CAPRIN1: variants seen among roughly 807,000 people sequenced by gnomAD.
CAPRIN1 encodes caprin-1.
A neutral mutation model predicts 100.9 loss-of-function variants in CAPRIN1; 29 were observed. The observed-to-expected ratio is 0.29, with a 90% CI of 0.21 to 0.39. The LOEUF is 0.39. Among genes scored for constraint, CAPRIN1 ranks in the 10% least tolerant of loss-of-function variants. CAPRIN1 has a pLI of 1.00. For missense variants in CAPRIN1, 795 were observed against 876.7 expected (o/e 0.91, Z 1.18); for synonymous variants, 338 against 307.5 (o/e 1.10, Z -1.04).
chr11:34,091,828 A>G, intron 14 of CAPRIN1, 78 bp from the exon 15 acceptor site: 2 of 1,341,284 alleles, frequency 1.5e-6, no homozygotes, highest in Non-Finnish European at 2.1e-6. Flanking sequence ...GTCTGAGGTA[A>G]AACCACCATT....
chr11:34,068,659 C>T (rs1305835200), intron 2 of CAPRIN1, among the ~76,000 whole-genome samples: 1 of 152,082 alleles, frequency 6.6e-6, no homozygotes, highest in Non-Finnish European at 1.5e-5. Context: ...TTTTCTGTTG[C>T]GTGGAATTCT....
intron 1 of CAPRIN1, 123 bp from the exon 2 acceptor site, chr11:34,052,298 C>A (rs1481145905): frequency 2.4e-6 from 2 of 836,330 alleles, no homozygotes; most frequent in Non-Finnish European, 3.8e-6. Flanking sequence ...GCCCCCTCCC[C>A]CACCCGCTCG....
chr11:34,066,400 C>G, intron 2 of CAPRIN1, among the ~76,000 whole-genome samples: 1 of 152,080 alleles, frequency 6.6e-6, no homozygotes, highest in East Asian at 1.9e-4. Flanking sequence ...GTGGCACGAT[C>G]TTGGCTCTCT....
intron 18 of CAPRIN1, chr11:34,098,196 C>T (rs1336973562): frequency 1.2e-5 from 12 of 993,460 alleles, no homozygotes; most frequent in African/African-American, 8.7e-5. Flanking sequence ...CTTTAATGGC[C>T]GGATAAGCCA....
intron 7 of CAPRIN1, among the ~76,000 whole-genome samples, chr11:34,080,653 A>T (rs1371913256): frequency 6.6e-6 from 1 of 152,228 alleles, no homozygotes; most frequent in East Asian, 1.9e-4. Flanking sequence ...AAAATTCTGA[A>T]TACAAGGAAA....
intron 15 of CAPRIN1, 131 bp from the exon 16 acceptor site, chr11:34,096,348 T>A: frequency 1.6e-6 from 1 of 607,852 alleles, no homozygotes; most frequent in Non-Finnish European, 2.8e-6. Context: ...GTTTTTCTTA[T>A]CATTGTATGC....
intron 11 of CAPRIN1, among the ~76,000 whole-genome samples, chr11:34,088,157 A>G (rs1590742540): frequency 6.6e-6 from 1 of 151,730 alleles, no homozygotes; most frequent in East Asian, 1.9e-4. Context: ...CACACACCAC[A>G]CTACACCCAG....
intron 11 of CAPRIN1, among the ~76,000 whole-genome samples, 155 bp downstream of exon 11, chr11:34,086,568 A>G (rs538861933): frequency 1.2e-4 from 18 of 152,344 alleles, no homozygotes; most frequent in Admixed American, 5.2e-4. Flanking sequence ...TATTGTTCCT[A>G]TGATTTGAAT....
intron 2 of CAPRIN1, among the ~76,000 whole-genome samples, chr11:34,068,045 A>G (rs1376076082): frequency 6.6e-6 from 1 of 152,182 alleles, no homozygotes; most frequent in Admixed American, 6.5e-5. Context: ...CAGGGCACAC[A>G]GGAGTTTTGA....
rs1352742220 is a variant in CAPRIN1, at chr11:34,076,296, C to G, written c.427C>G (p.Gln143Glu). The change falls in exon 5 of 19, where the codon CAG becomes GAG. Residue 143 changes from glutamine to glutamate, a missense_variant. Physicochemically the swap from Gln to Glu is conservative, Grantham distance 29. Transcript: ENST00000341394. ...GCAGCTTATGAGAGAAGAAGCTGAA[C>G]AGAAACGTTTAAAAACTGTACTTGA... Reference protein sequence around the residue: ...REQLMREEAEQKRLKTVLELQ... With the variant: ...REQLMREEAEEKRLKTVLELQ... 9 of 1,614,006 alleles carry G rather than the reference C, an allele frequency of 5.6e-6. No homozygotes were observed. Among genetic ancestry groups the G allele is most frequent in the Admixed American group, 1.7e-5 (1 of 60,000 alleles).
At chr11:34,054,840 T>TATTA (rs1850414663) in intron 2 of CAPRIN1, among the ~76,000 whole-genome samples, 1 of 152,350 alleles carries the variant, frequency 6.6e-6, no homozygotes, top group South Asian at 2.1e-4. Flanking sequence ...GAACATAAAA[T>TATTA]ATTAATGATT....
At position 34,052,533 on chromosome 11, in the gene CAPRIN1, C is replaced by T. The variant is rs1409859668; in HGVS notation, c.113C>T (p.Ala38Val). The T allele has an allele frequency of 6.2e-7, 1 of 1,606,528 alleles. No individual in the cohort carries two copies. Among genetic ancestry groups the T allele is most frequent in the Admixed American group, 1.7e-5 (1 of 59,266 alleles). Residue 38 changes from alanine to valine, a missense_variant, in exon 2 of 19, where the codon GCT becomes GTT. By Grantham distance (64) the Ala-to-Val change is moderately conservative. Transcript: ENST00000341394. ...GCGGGAGCCGGGGCCGCCGCGCCGG[C>T]TTCTCAGCACCCCGCAACCGGCACC... ...AAAGAGAAAP[A>V]SQHPATGTGA...
chr11:34,099,359 G>C lies in CAPRIN1; in HGVS notation c.2122G>C (p.Val708Leu). 6.2e-7 allele frequency: 1 copy of C among 1,613,492 alleles called. No homozygotes were observed. Among genetic ancestry groups the C allele is most frequent in the Non-Finnish European group, 8.5e-7 (1 of 1,179,474 alleles). ...RGMPQMNTQQ[V>L]N ...GATGCCGCAAATGAACACTCAGCAA[G>C]TGAATTAATCTGATTCACAGGATTA... Residue 708 changes from valine to leucine, a missense_variant, in exon 19 of 19, where the codon GTG becomes CTG. Val to Leu is a conservative substitution (Grantham distance 32). Coordinates refer to ENST00000341394, the MANE Select transcript of CAPRIN1 (RefSeq NM_005898.5).
intron 17 of CAPRIN1, 31 bp from the exon 18 acceptor site, chr11:34,097,667 C>T (rs1355661781): frequency 2.5e-6 from 4 of 1,612,974 alleles, no homozygotes; most frequent in South Asian, 2.2e-5. Context: ...TTAAAAAGTA[C>T]CTTTTCAATA....
intron 9 of CAPRIN1, among the ~76,000 whole-genome samples, chr11:34,083,866 G>A (rs909567747): frequency 4.6e-5 from 7 of 152,254 alleles, no homozygotes; most frequent in Admixed American, 4.6e-4. Flanking sequence ...CCAAGAGTTA[G>A]AGACCAGCCT....
chr11:34,056,537 TA>T (rs1850455781), intron 2 of CAPRIN1: 1 of 152,128 alleles, frequency 6.6e-6, no homozygotes, highest in South Asian at 2.1e-4. Flanking sequence ...ACAGCTGTGA[TA>T]ATCAAGTGTA....
chr11:34,065,198 G>A (rs879589529), intron 2 of CAPRIN1, among the ~76,000 whole-genome samples: 2 of 151,876 alleles, frequency 1.3e-5, no homozygotes, highest in Non-Finnish European at 2.9e-5. Context: ...TCCCGACCTC[G>A]TGATCTGCCC....
chr11:34,098,963 G>A, intron 18 of CAPRIN1: 1 of 1,135,964 alleles, frequency 8.8e-7, no homozygotes, highest in Non-Finnish European at 1.1e-6. Context: ...ATGAGAGCAG[G>A]TACCTTGTCT....
intron 15 of CAPRIN1, 54 bp downstream of exon 15, chr11:34,092,110 A>G: frequency 6.3e-7 from 1 of 1,582,770 alleles, no homozygotes. Flanking sequence ...ACAGTTATTG[A>G]CAGTGTTAGG....
Sources: gnomAD v4.1 joint callset for allele counts (sites outside exome capture counted in the v4.1 genomes callset) on GRCh38, gnomAD v4.1.1 for gene constraint, MANE v1.5 for transcripts, NCBI Gene and HGNC (gene_info 2026-07-23, HGNC 2026-07-21) for gene names.